VIT: variants seen among roughly 807,000 people sequenced by gnomAD.
VIT encodes vitrin.
A neutral mutation model predicts 78.0 loss-of-function variants in VIT; 99 were observed. The ratio of observed to expected loss-of-function variants is 1.27; its 90% CI spans 1.08 to 1.50. VIT has a LOEUF of 1.50. Ranked by LOEUF, VIT falls within the 40% of genes most tolerant of loss-of-function variation. The probability of loss-of-function intolerance (pLI) is 0.00; values close to 1 mark genes in which losing one functional copy is unlikely to be tolerated. For synonymous variants in VIT, 374 were observed against 334.3 expected, an observed-to-expected ratio of 1.12 and a Z score of -1.29; for missense variants, 1,126 against 875.3, an observed-to-expected ratio of 1.29 and a Z score of -3.61.
At chr2:36,698,074 T>A (rs78077981) in intron 1 of VIT, among the ~76,000 whole-genome samples, 3,092 of 152,310 alleles carry the variant, frequency 0.02, 103 homozygotes, top group African/African-American at 0.071. Context: ...GAAGTGCCCA[T>A]CTTTTATTTA....
At chr2:36,812,586 T>G (rs1381960816) in intron 15 of VIT, among the ~76,000 whole-genome samples, 1 of 152,088 alleles carries the variant, frequency 6.6e-6, no homozygotes, top group Non-Finnish European at 1.5e-5. Context: ...ATCCAACACC[T>G]GCAGTCTTAT....
chr2:36,711,351 A>G (rs1242719791), intron 1 of VIT, among the ~76,000 whole-genome samples: 4 of 152,192 alleles, frequency 2.6e-5, no homozygotes, highest in Non-Finnish European at 5.9e-5. Flanking sequence ...AATCTCAAGC[A>G]TTTTGATACA....
At chr2:36,792,121 A>G (rs1361698044) in intron 12 of VIT, among the ~76,000 whole-genome samples, 2 of 152,148 alleles carry the variant, frequency 1.3e-5, no homozygotes, top group Non-Finnish European at 2.9e-5. Context: ...CCTCAGACCT[A>G]TTAAACCAGA....
rs1252932787 is a variant in VIT at position 36,787,127 on chromosome 2, A to G, written c.911-2A>G. The G allele has an allele frequency of 1.2e-6, 2 of 1,614,082 alleles. No individual in the cohort carries two copies. The highest frequency in any genetic ancestry group is 1.7e-6 in the Non-Finnish European group (2 of 1,180,030). ...ATAATAGAGTCTTTTTCCGTTCCGC[A>G]GACTGCAAAATTGACTTGTCGTTTT... On this transcript the variant is annotated splice_acceptor_variant, in intron 11 of 15. Coordinates refer to ENST00000379242, the MANE Select transcript of VIT (RefSeq NM_053276.4). LOFTEE classifies it high-confidence loss of function.
At chr2:36,771,804 A>G (rs1475846101) in intron 7 of VIT, among the ~76,000 whole-genome samples, 1 of 152,196 alleles carries the variant, frequency 6.6e-6, no homozygotes. Flanking sequence ...ATGGCTAAAG[A>G]AGTTACTATA....
At chr2:36,744,336 T>C (rs1416493224) in intron 4 of VIT, among the ~76,000 whole-genome samples, 1 of 152,202 alleles carries the variant, frequency 6.6e-6, no homozygotes, top group African/African-American at 2.4e-5. Flanking sequence ...GCAATGGGTA[T>C]ATATAGTCAG....
Position 36,783,330 on chromosome 2 carries a change from C to T in VIT, c.848-10C>T, listed in dbSNP as rs1431120535. Reference sequence around the variant, plus strand: ...TTGTAAGTCACCAAAAGTTTTACTGCTCTTTCCAGGACTTGTTCCAAAAGA... The same window carrying T: ...TTGTAAGTCACCAAAAGTTTTACTGTTCTTTCCAGGACTTGTTCCAAAAGA... On this transcript the variant is annotated splice_polypyrimidine_tract_variant and intron_variant, in intron 10 of 15. Transcript: ENST00000379242. 5 of 1,613,948 alleles carry T rather than the reference C, an allele frequency of 3.1e-6. No individual in the cohort carries two copies. In the Admixed American group the frequency reaches 8.3e-5, roughly 27 times the overall value.
At chr2:36,766,138 C>G (rs115090006) in intron 6 of VIT, among the ~76,000 whole-genome samples, 1,705 of 152,326 alleles carry the variant, frequency 0.011, 55 homozygotes, top group African/African-American at 0.038. Flanking sequence ...AGAGCACTAA[C>G]AAACTGAGAC....
At chr2:36,717,334 ATGTGTGTGTGTGTG>A (rs70946944) in intron 2 of VIT, among the ~76,000 whole-genome samples, 1,058 of 64,090 alleles carry the variant, frequency 0.017, 18 homozygotes, top group African/African-American at 0.037. Flanking sequence ...CGCCTGGCTA[ATGTGTGTGTGTGTG>A]TGTGTGTGTG....
chr2:36,740,953 T>G (rs1230129286), intron 3 of VIT, among the ~76,000 whole-genome samples: 1 of 152,178 alleles, frequency 6.6e-6, no homozygotes, highest in Non-Finnish European at 1.5e-5. Context: ...CCCCAAAATA[T>G]TTAGTTGGTC....
intron 1 of VIT, among the ~76,000 whole-genome samples, chr2:36,704,446 G>A (rs12712515): frequency 0.13 from 19,246 of 152,132 alleles, 1,444 homozygotes; most frequent in African/African-American, 0.2. Flanking sequence ...GATCAATCCC[G>A]TCTCATTTAA....
intron 7 of VIT, among the ~76,000 whole-genome samples, chr2:36,771,807 T>C (rs1184864472): frequency 6.6e-6 from 1 of 152,156 alleles, no homozygotes; most frequent in Non-Finnish European, 1.5e-5. Flanking sequence ...GCTAAAGAAG[T>C]TACTATACAG....
chr2:36,702,363 T>G (rs567927673), intron 1 of VIT, among the ~76,000 whole-genome samples: 15 of 151,938 alleles, frequency 9.9e-5, no homozygotes, highest in Non-Finnish European at 2.1e-4. Flanking sequence ...GGGCAGTTCT[T>G]GCCTCTGCTC....
intron 9 of VIT, among the ~76,000 whole-genome samples, chr2:36,781,410 A>C (rs1664742821): frequency 6.6e-6 from 1 of 152,230 alleles, no homozygotes; most frequent in Non-Finnish European, 1.5e-5. Context: ...GGGATGTTGC[A>C]AAAACAGATT....
At chr2:36,710,960 T>C (rs1367028866) in intron 1 of VIT, among the ~76,000 whole-genome samples, 5 of 152,184 alleles carry the variant, frequency 3.3e-5, no homozygotes, top group Non-Finnish European at 5.9e-5. Context: ...GGAATATATT[T>C]AGCTTTTTAA....
At chr2:36,808,417 G>T in intron 14 of VIT, 55 bp from the exon 15 acceptor site, 2 of 1,546,512 alleles carry the variant, frequency 1.3e-6, no homozygotes, top group South Asian at 1.3e-5. Flanking sequence ...GCCTAATGGT[G>T]ACACTGGAGG....
intron 4 of VIT, among the ~76,000 whole-genome samples, chr2:36,748,348 T>C (rs1298028635): frequency 6.6e-6 from 1 of 152,236 alleles, no homozygotes; most frequent in East Asian, 1.9e-4. Flanking sequence ...TCTCTCCTTC[T>C]CTCTCAGGAA....
At chr2:36,731,212 C>A (rs1009565851) in intron 3 of VIT, among the ~76,000 whole-genome samples, 1 of 152,118 alleles carries the variant, frequency 6.6e-6, no homozygotes, top group East Asian at 1.9e-4. Context: ...TTCAGTAGAA[C>A]CCCTCTCTTT....
Position 36,735,150 on chromosome 2 carries a change from G to C in VIT, c.118+5659G>C, listed in dbSNP as rs561273250. Among the ~76,000 whole-genome samples, 4 of 152,140 alleles carry C rather than the reference G, an allele frequency of 2.6e-5. No homozygotes were observed. In the South Asian group the frequency reaches 8.3e-4, roughly 32 times the overall value. On this transcript the variant is annotated intron_variant, in intron 3 of 15. Transcript: ENST00000379242. ...CTCTCCAGCCGGGGCAACAGAGCGA[G>C]ACTCTGTCTCAAAGAAAAAGAAAAA...
Sources: gnomAD v4.1 joint callset for allele counts (sites outside exome capture counted in the v4.1 genomes callset) on GRCh38, gnomAD v4.1.1 for gene constraint, MANE v1.5 for transcripts, NCBI Gene and HGNC (gene_info 2026-07-23, HGNC 2026-07-21) for gene names.